Variants in GABRG3 observed in about 807,000 individuals in gnomAD.
GABRG3 encodes the protein gamma-aminobutyric acid type A receptor subunit gamma3, also known as gamma-aminobutyric acid receptor subunit gamma-3.
A neutral mutation model predicts 48.8 loss-of-function variants in GABRG3; 25 were observed. The observed-to-expected ratio is 0.51, with a 90% CI of 0.37 to 0.72. The LOEUF is 0.72. Among genes scored for constraint, GABRG3 ranks in the 30% least tolerant of loss-of-function variants. The probability of loss-of-function intolerance (pLI) is 0.00; values close to 1 mark genes in which losing one functional copy is unlikely to be tolerated. For synonymous variants in GABRG3, 227 were observed against 217.6 expected (o/e 1.04, Z -0.38); for missense variants, 394 against 577.9 (o/e 0.68, Z 3.26).
chr15:27,345,913 G>C (rs1440066670), intron 5 of GABRG3, among the ~76,000 whole-genome samples: 1 of 151,962 alleles, frequency 6.6e-6, no homozygotes, highest in Non-Finnish European at 1.5e-5. Flanking sequence ...AATTAGCAGG[G>C]CATGGTGGCA....
At chr15:27,503,283 A>G (rs1193225303) in intron 6 of GABRG3, among the ~76,000 whole-genome samples, 2 of 152,204 alleles carry the variant, frequency 1.3e-5, no homozygotes, top group Non-Finnish European at 1.5e-5. Context: ...ATGTTATAGT[A>G]ATGCTTTGGG....
In GABRG3 at chr15:27,538,215, C is replaced by T. The variant is rs978105374; in HGVS notation, c.*5334C>T. The T allele has an allele frequency of 2.0e-5, 3 of 152,140 alleles. No individual in the cohort carries two copies. Among genetic ancestry groups the T allele is most frequent in the African/African-American group, 7.2e-5 (3 of 41,408 alleles). 9.4% of individuals were successfully genotyped at this position (152,140 alleles called of 1,614,324 possible). A position where few individuals can be genotyped will look rare whatever the true frequency, so the allele number is the denominator to read the frequency against. On this transcript the variant is annotated 3_prime_UTR_variant, in exon 10 of 10. Coordinates refer to ENST00000615808, the MANE Select transcript of GABRG3 (RefSeq NM_033223.5). Reference sequence around the variant, plus strand: ...ACTGTTGTCAATAAAACCCCTTATACCTTTTATTGTCCTGCTTACTTATAA... The same window carrying T: ...ACTGTTGTCAATAAAACCCCTTATATCTTTTATTGTCCTGCTTACTTATAA...
At chr15:27,124,946 T>C (rs1279772065) in intron 3 of GABRG3, among the ~76,000 whole-genome samples, 2 of 152,236 alleles carry the variant, frequency 1.3e-5, no homozygotes, top group East Asian at 1.9e-4. Flanking sequence ...TACTGATTTC[T>C]TCAAAACCTC....
chr15:27,130,454 G>T (rs942081881), intron 3 of GABRG3, among the ~76,000 whole-genome samples: 1 of 152,152 alleles, frequency 6.6e-6, no homozygotes, highest in Non-Finnish European at 1.5e-5. Flanking sequence ...TAACTTTGTA[G>T]TAAGTTTTGA....
chr15:27,013,084 T>C (rs537120089), intron 2 of GABRG3, among the ~76,000 whole-genome samples: 60 of 152,302 alleles, frequency 3.9e-4, no homozygotes, highest in African/African-American at 1.3e-3. Flanking sequence ...TAGTTAGGCT[T>C]ATCAGCTGTA....
chr15:27,044,519 A>T (rs912690868), intron 3 of GABRG3, among the ~76,000 whole-genome samples: 3 of 152,260 alleles, frequency 2.0e-5, no homozygotes, highest in African/African-American at 7.2e-5. Flanking sequence ...TTGCAAAAAT[A>T]TTAAGATAAA....
At position 27,457,927 on chromosome 15, in the gene GABRG3, C is replaced by T. The variant is rs1200202019; in HGVS notation, c.575-22723C>T. Among the ~76,000 whole-genome samples, 1 of 152,188 alleles carries T rather than the reference C, an allele frequency of 6.6e-6. No homozygotes were observed. Among genetic ancestry groups the T allele is most frequent in the Admixed American group, 6.5e-5 (1 of 15,274 alleles). On this transcript the variant is annotated intron_variant, in intron 5 of 9. Transcript: ENST00000615808. The surrounding 1 kb of genome is among the most constrained non-coding windows in gnomAD (Gnocchi z 4.4). ...TCCAGGCTCCAGGGCTTTGGGGTCT[C>T]TCGTGGGACCTTATTGATGTAGCTG...
chr15:27,518,393 G>A (rs1394919400), intron 6 of GABRG3, among the ~76,000 whole-genome samples: 3 of 130,184 alleles, frequency 2.3e-5, no homozygotes, highest in African/African-American at 9.6e-5. Flanking sequence ...TGGGACATCA[G>A]TGATAGTCTT....
intron 3 of GABRG3, among the ~76,000 whole-genome samples, chr15:27,042,465 C>A (rs1393674294): frequency 1.3e-5 from 2 of 152,216 alleles, no homozygotes; most frequent in African/African-American, 4.8e-5. Context: ...GCCAAGGGGC[C>A]TGGCGGCCCT....
At chr15:27,197,552 A>T (rs1595579971) in intron 3 of GABRG3, among the ~76,000 whole-genome samples, 3 of 151,334 alleles carry the variant, frequency 2.0e-5, no homozygotes, top group Admixed American at 1.3e-4. Flanking sequence ...TTCAGGGTTG[A>T]TGTTCTTAGG....
intron 5 of GABRG3, among the ~76,000 whole-genome samples, chr15:27,394,776 A>G (rs1255978540): frequency 6.6e-6 from 1 of 152,030 alleles, no homozygotes; most frequent in Admixed American, 6.5e-5. Flanking sequence ...ATATCATCCC[A>G]TTGCCTTTTG....
At chr15:27,367,197 C>G (rs552573090) in intron 5 of GABRG3, among the ~76,000 whole-genome samples, 9 of 152,180 alleles carry the variant, frequency 5.9e-5, no homozygotes, top group Admixed American at 3.9e-4. Flanking sequence ...CCTCCCTCCC[C>G]CTACAAGGAC....
intron 5 of GABRG3, among the ~76,000 whole-genome samples, chr15:27,335,264 A>T (rs1320607782): frequency 1.3e-5 from 2 of 148,954 alleles, no homozygotes. Context: ...TAGAAGTGGA[A>T]TTGCTGGACC....
intron 9 of GABRG3, 60 bp from the exon 10 acceptor site, chr15:27,532,540 A>G: frequency 6.5e-7 from 1 of 1,531,592 alleles, no homozygotes; most frequent in Admixed American, 1.8e-5. Flanking sequence ...TGCTTCATAC[A>G]CCTCAGGGTG....
intron 5 of GABRG3, among the ~76,000 whole-genome samples, chr15:27,433,472 A>G (rs1888516620): frequency 6.6e-6 from 1 of 152,158 alleles, no homozygotes; most frequent in Non-Finnish European, 1.5e-5. Context: ...GGCCTTGGCT[A>G]ATTTTCAGAG....
At position 27,382,486 on chromosome 15, in the gene GABRG3, G is replaced by T. The variant is rs577058378; in HGVS notation, c.574+53598G>T. On this transcript the variant is annotated intron_variant, in intron 5 of 9. Transcript: ENST00000615808. The stretch of plus-strand genomic sequence containing the variant: ...AAATACTCAGAAGAGTCAAAGAACA[G>T]CTGGAGGGCACCATATGGCTTTCAC... 2.0e-3 allele frequency among the ~76,000 whole-genome samples: 304 copies of T among 152,324 alleles called. 1 individual carries two copies. Among genetic ancestry groups the T allele is most frequent in the African/African-American group, 6.8e-3 (284 of 41,582 alleles).
intron 3 of GABRG3, among the ~76,000 whole-genome samples, chr15:27,064,113 G>GGA (rs60843132): frequency 0.089 from 13,547 of 152,230 alleles, 653 homozygotes; most frequent in Middle Eastern, 0.12. Context: ...GGAAGGAACT[G>GGA]GACACGTAGT....
chr15:27,300,969 A>AAAAC (rs942768179), intron 3 of GABRG3, among the ~76,000 whole-genome samples: 14 of 152,160 alleles, frequency 9.2e-5, no homozygotes, highest in Non-Finnish European at 1.3e-4. Flanking sequence ...CTCCATCTCA[A>AAAAC]AAACAAACAA....
chr15:27,053,085 T>C (rs942693852), intron 3 of GABRG3, among the ~76,000 whole-genome samples: 1 of 152,210 alleles, frequency 6.6e-6, no homozygotes, highest in African/African-American at 2.4e-5. Flanking sequence ...GGAAATACCC[T>C]TCTGGATATT....
Sources: gnomAD v4.1 joint callset for allele counts (sites outside exome capture counted in the v4.1 genomes callset) on GRCh38, gnomAD v4.1.1 for gene constraint, Gnocchi (gnomAD v3.1) non-coding constraint, MANE v1.5 for transcripts, NCBI Gene and HGNC (gene_info 2026-07-23, HGNC 2026-07-21) for gene names.